ZNF644: variants seen among roughly 807,000 people sequenced by gnomAD.
ZNF644 encodes zinc finger protein 644.
Under a neutral mutation model 108.0 loss-of-function variants are expected in ZNF644, and 20 were observed. The ratio of observed to expected loss-of-function variants is 0.19; its 90% CI spans 0.13 to 0.27. ZNF644 has a LOEUF of 0.27. Ranked by LOEUF, ZNF644 falls within the 10% of genes least tolerant of loss-of-function variation. ZNF644 has a pLI of 1.00. For synonymous variants in ZNF644, 542 were observed against 539.1 expected (o/e 1.01, Z -0.08); for missense variants, 1,338 against 1,548.9 (o/e 0.86, Z 2.29).
intron 1 of ZNF644, among the ~76,000 whole-genome samples, chr1:90,994,348 C>G (rs1393585407): frequency 2.0e-5 from 3 of 152,146 alleles, no homozygotes; most frequent in Admixed American, 6.5e-5. Flanking sequence ...ATGCTAGAGA[C>G]CCCACAAGCA....
intron 2 of ZNF644, among the ~76,000 whole-genome samples, chr1:90,966,223 A>C (rs774146766): frequency 6.6e-6 from 1 of 152,182 alleles, no homozygotes; most frequent in East Asian, 1.9e-4. Flanking sequence ...CATCCAAAAT[A>C]AAGTTACTAG....
chr1:90,958,088 C>T (rs1431861956), intron 2 of ZNF644, among the ~76,000 whole-genome samples: 1 of 151,322 alleles, frequency 6.6e-6, no homozygotes, highest in African/African-American at 2.4e-5. Context: ...TGGCCAACAG[C>T]GAGAAACCCT....
chr1:90,918,262 A>C (rs1334613068), intron 4 of ZNF644, 108 bp from the exon 5 acceptor site: 8 of 893,700 alleles, frequency 9.0e-6, no homozygotes, highest in Non-Finnish European at 1.4e-5. Context: ...AGTTAGAAAA[A>C]GTCCGCATTC....
intron 1 of ZNF644, among the ~76,000 whole-genome samples, chr1:90,990,097 T>C (rs1452038835): frequency 2.0e-5 from 3 of 152,148 alleles, no homozygotes; most frequent in African/African-American, 7.2e-5. Flanking sequence ...ATTCCATCCA[T>C]GAGATACCTA....
Position 90,987,978 on chromosome 1 carries a change from G to A in ZNF644, c.-17-5608C>T, listed in dbSNP as rs116044038. On this transcript the variant is annotated intron_variant, in intron 1 of 5. Coordinates refer to ENST00000337393, the MANE Select transcript of ZNF644 (RefSeq NM_201269.3). ...CACTCAACCGTGAAAGACTGAAAGC[G>A]TTTCCTCTAAGATAGAGAACAAAGC... Among the ~76,000 whole-genome samples, 526 of 152,186 alleles carry A rather than the reference G, an allele frequency of 3.5e-3. 4 individuals carry two copies. Among genetic ancestry groups the A allele is most frequent in the African/African-American group, 0.012 (503 of 41,536 alleles).
At chr1:90,980,473 G>T (rs778038206) in intron 2 of ZNF644, among the ~76,000 whole-genome samples, 4 of 152,174 alleles carry the variant, frequency 2.6e-5, no homozygotes, top group Non-Finnish European at 5.9e-5. Flanking sequence ...TATTCTGAAA[G>T]TGATGGGGGA....
chr1:90,943,451 AAAC>A (rs544746669), intron 2 of ZNF644, among the ~76,000 whole-genome samples: 143 of 152,318 alleles, frequency 9.4e-4, no homozygotes, highest in Admixed American at 4.8e-3. Context: ...AAAAAATAAA[AAAC>A]AATAAAATAA....
chr1:91,011,117 T>C (rs931435376), intron 1 of ZNF644, among the ~76,000 whole-genome samples: 3 of 152,198 alleles, frequency 2.0e-5, no homozygotes, highest in South Asian at 2.1e-4. Flanking sequence ...ATATACTTTT[T>C]TCAATGTCTA....
intron 1 of ZNF644, among the ~76,000 whole-genome samples, chr1:90,993,058 G>C (rs1332713856): frequency 1.3e-5 from 2 of 151,856 alleles, no homozygotes; most frequent in Non-Finnish European, 2.9e-5. Context: ...AAAATAAAAA[G>C]AAAAAAGAAG....
At chr1:90,930,145 G>C (rs534723457) in intron 4 of ZNF644, among the ~76,000 whole-genome samples, 2 of 152,254 alleles carry the variant, frequency 1.3e-5, no homozygotes, top group South Asian at 4.1e-4. Context: ...AATTAGCCGG[G>C]CGTGATGGCG....
chr1:90,959,855 C>T (rs1296171442), intron 2 of ZNF644, among the ~76,000 whole-genome samples: 1 of 152,110 alleles, frequency 6.6e-6, no homozygotes, highest in Non-Finnish European at 1.5e-5. Flanking sequence ...TTCACAGTTT[C>T]AGTTACCTGA....
intron 2 of ZNF644, among the ~76,000 whole-genome samples, chr1:90,966,049 C>A (rs1654838802): frequency 6.6e-6 from 1 of 152,128 alleles, no homozygotes; most frequent in African/African-American, 2.4e-5. Context: ...CCGCGCCTGG[C>A]CCCAACTCTC....
At chr1:91,012,140 C>T (rs1426325385) in intron 1 of ZNF644, among the ~76,000 whole-genome samples, 2 of 152,070 alleles carry the variant, frequency 1.3e-5, no homozygotes, top group African/African-American at 2.4e-5. Context: ...CCAAATATCA[C>T]CTGATTTACC....
rs1167283542 is a variant in ZNF644 at position 90,915,379 on chromosome 1, G to C, written c.*1419C>G. 1 of 152,480 alleles carries C rather than the reference G, an allele frequency of 6.6e-6. No homozygotes were observed. Among genetic ancestry groups the C allele is most frequent in the Non-Finnish European group, 1.5e-5 (1 of 67,992 alleles). 9.4% of individuals were successfully genotyped at this position (152,480 alleles called of 1,614,324 possible). Reference sequence around the variant, plus strand: ...CCATAGGAAAGCAATTTCACTGGCAGTGAGGTATGTATATACTCTACCAAA... The same window carrying C: ...CCATAGGAAAGCAATTTCACTGGCACTGAGGTATGTATATACTCTACCAAA... On this transcript the variant is annotated 3_prime_UTR_variant, in exon 6 of 6. Transcript: ENST00000337393.
chr1:91,010,944 A>G (rs748342213), intron 1 of ZNF644, among the ~76,000 whole-genome samples: 2 of 152,198 alleles, frequency 1.3e-5, no homozygotes, highest in African/African-American at 2.4e-5. Context: ...TTGTCAAAAC[A>G]ACATGTAAAC....
intron 1 of ZNF644, among the ~76,000 whole-genome samples, chr1:91,010,927 T>C (rs1269025336): frequency 6.6e-6 from 1 of 152,186 alleles, no homozygotes; most frequent in Non-Finnish European, 1.5e-5. Flanking sequence ...AAACATAACA[T>C]TCATTTTTGT....
At chr1:91,017,832 G>A (rs567821448) in intron 1 of ZNF644, among the ~76,000 whole-genome samples, 8 of 152,072 alleles carry the variant, frequency 5.3e-5, no homozygotes, top group South Asian at 2.1e-4. Flanking sequence ...TGTGGTGGCC[G>A]GCGCCCGTAA....
At chr1:91,003,818 T>C (rs1659137584) in intron 1 of ZNF644, among the ~76,000 whole-genome samples, 1 of 152,096 alleles carries the variant, frequency 6.6e-6, no homozygotes, top group Non-Finnish European at 1.5e-5. Flanking sequence ...TAAAATCAGC[T>C]ACTTTAAGCA....
chr1:90,996,113 G>C (rs1370390198), intron 1 of ZNF644, among the ~76,000 whole-genome samples: 1 of 152,014 alleles, frequency 6.6e-6, no homozygotes, highest in Non-Finnish European at 1.5e-5. Flanking sequence ...GTCACATTTG[G>C]AATCAGGGAA....
Sources: gnomAD v4.1 joint callset for allele counts (sites outside exome capture counted in the v4.1 genomes callset) on GRCh38, gnomAD v4.1.1 for gene constraint, MANE v1.5 for transcripts, NCBI Gene and HGNC (gene_info 2026-07-23, HGNC 2026-07-21) for gene names.